LTA4H: variants seen among roughly 807,000 people sequenced by gnomAD.
LTA4H encodes the protein leukotriene A4 hydrolase.
In LTA4H, 59 loss-of-function variants were observed where a neutral mutation model predicts 89.8. That is an observed-to-expected ratio of 0.66 (90% confidence interval 0.53 to 0.82). LTA4H has a LOEUF of 0.82. Ranked by LOEUF, LTA4H falls within the 40% of genes least tolerant of loss-of-function variation. LTA4H has a pLI of 0.00. For synonymous variants in LTA4H, 227 were observed against 253.1 expected (o/e 0.90, Z 0.98); for missense variants, 617 against 727.0 (o/e 0.85, Z 1.74).
Position 96,027,532 on chromosome 12 carries a change from T to C in LTA4H, c.323A>G (p.Glu108Gly). The C allele has an allele frequency of 6.3e-7, 1 of 1,598,298 alleles. No individual in the cohort carries two copies. Among genetic ancestry groups the C allele is most frequent in the Non-Finnish European group, 8.6e-7 (1 of 1,166,874 alleles). ...GAGAGCAGAAGATTTTGGAGAGGTC[T>C]CAAAAGAAATTTCTATAACAATTTC... Reference protein sequence around the residue: ...NQEIVIEISFETSPKSSALQW... With the variant: ...NQEIVIEISFGTSPKSSALQW... The change falls in exon 3 of 19, where the codon GAG becomes GGG. Residue 108 changes from glutamate to glycine, a missense_variant. Glu to Gly is a moderately conservative substitution (Grantham distance 98). Coordinates refer to ENST00000228740, the MANE Select transcript of LTA4H (RefSeq NM_000895.3).
At chr12:96,016,521 G>C (rs545498044) in intron 10 of LTA4H, among the ~76,000 whole-genome samples, 2 of 151,480 alleles carry the variant, frequency 1.3e-5, no homozygotes, top group East Asian at 3.9e-4. Flanking sequence ...TGAGGAGGGA[G>C]GATTGCAACC....
At chr12:96,040,679 T>A (rs1212642367) in intron 1 of LTA4H, among the ~76,000 whole-genome samples, 2 of 152,206 alleles carry the variant, frequency 1.3e-5, no homozygotes. Context: ...GAAGGAGCCA[T>A]GAGCTGGAAA....
intron 1 of LTA4H, among the ~76,000 whole-genome samples, chr12:96,041,888 A>C (rs2367871): frequency 0.039 from 5,971 of 151,566 alleles, 299 homozygotes; most frequent in African/African-American, 0.11. Context: ...TGATCCGCCC[A>C]CCTCAGCCTC....
chr12:96,014,723 A>G, intron 12 of LTA4H, 132 bp downstream of exon 12: 1 of 819,978 alleles, frequency 1.2e-6, no homozygotes, highest in South Asian at 2.0e-5. Flanking sequence ...AAAACAATAC[A>G]GATTTCTTCA....
In LTA4H at chr12:96,015,038, G is replaced by C. The variant is rs1050521497; in HGVS notation, c.1060-39C>G. The C allele has an allele frequency of 3.1e-6, 5 of 1,590,250 alleles. No individual in the cohort carries two copies. The African/African-American group carries it at 6.8e-5, about 21-fold the overall frequency. On this transcript the variant is annotated intron_variant, in intron 11 of 18. Coordinates refer to ENST00000228740, the MANE Select transcript of LTA4H (RefSeq NM_000895.3). ...AATAACATGGAGAAACATATAGAAAGACTGCTATCACCACGCAAATAAGCT... is the reference window on the plus strand; with the variant it reads ...AATAACATGGAGAAACATATAGAAACACTGCTATCACCACGCAAATAAGCT...
intron 14 of LTA4H, 95 bp from the exon 15 acceptor site, chr12:96,009,243 T>G: frequency 1.2e-6 from 1 of 802,298 alleles, no homozygotes; most frequent in South Asian, 1.6e-5. Flanking sequence ...TCAAAGTCCC[T>G]TTTAAATAAG....
chr12:96,021,663 GAAAACACACACAC>G (rs2136900765), intron 5 of LTA4H, among the ~76,000 whole-genome samples: 1 of 130,578 alleles, frequency 7.7e-6, no homozygotes, highest in East Asian at 2.2e-4. Context: ...GGTCAATTAA[GAAAACACACACAC>G]ACACACACAC....
upstream of LTA4H, among the ~76,000 whole-genome samples, chr12:96,039,261 A>G (rs1950671063): frequency 6.6e-6 from 1 of 152,198 alleles, no homozygotes; most frequent in African/African-American, 2.4e-5. Context: ...GGGTAATATC[A>G]GGGTTTAGTT....
At chr12:96,030,506 A>G (rs1193207114) in intron 1 of LTA4H, among the ~76,000 whole-genome samples, 1 of 152,190 alleles carries the variant, frequency 6.6e-6, no homozygotes, top group South Asian at 2.1e-4. Flanking sequence ...CCTGAATCAG[A>G]TTTCTCCCCA....
intron 14 of LTA4H, chr12:96,012,711 T>C (rs76509567): frequency 6.5e-6 from 1 of 153,964 alleles, no homozygotes; most frequent in East Asian, 1.9e-4. Context: ...ACCCTGTTTC[T>C]AAAAAAAAAG....
chr12:96,013,454 T>C (rs556558164), intron 13 of LTA4H, among the ~76,000 whole-genome samples, 196 bp from the exon 14 acceptor site: 1 of 152,368 alleles, frequency 6.6e-6, no homozygotes. Context: ...ATGCGATGTT[T>C]TGATATATGT....
chr12:96,025,863 C>A (rs2136908655), intron 3 of LTA4H, among the ~76,000 whole-genome samples: 1 of 151,756 alleles, frequency 6.6e-6, no homozygotes, highest in South Asian at 2.1e-4. Flanking sequence ...CAATCTTATA[C>A]CCGGTCTGTT....
At chr12:96,008,756 T>C (rs2110762) in intron 15 of LTA4H, among the ~76,000 whole-genome samples, 74,311 of 151,674 alleles carry the variant, frequency 0.49, 19,896 homozygotes, top group African/African-American at 0.73. Flanking sequence ...CCTGTTTGTA[T>C]AAAAAGTTTT....
intron 1 of LTA4H, among the ~76,000 whole-genome samples, chr12:96,032,572 T>G (rs910517819): frequency 6.6e-6 from 1 of 152,220 alleles, no homozygotes; most frequent in Non-Finnish European, 1.5e-5. Context: ...ACAAGTTAAC[T>G]TTAAATAAAT....
chr12:96,002,986 T>C lies in LTA4H; in HGVS notation c.1692A>G (p.Arg564=), dbSNP rs1950131751. 1 of 1,603,418 alleles carries C rather than the reference T, an allele frequency of 6.2e-7. No homozygotes were observed. Among genetic ancestry groups the C allele is most frequent in the Non-Finnish European group, 8.5e-7 (1 of 1,174,456 alleles). The change falls in exon 18 of 19, where the codon AGA becomes AGG. Residue 564 remains arginine, a synonymous_variant. Coordinates refer to ENST00000228740, the MANE Select transcript of LTA4H (RefSeq NM_000895.3). The part of the protein sequence containing the change: ...LALKMATEQG[R]MKFTRPLFKD... ...TGAATAAGGGCCGGGTAAACTTCAT[T>C]CTTCCTTGTTCAGTTGCCATCTTTA...
rs1950396468 is a variant in LTA4H, at chr12:96,017,577, C to T, written c.856G>A (p.Gly286Ser). 1 of 1,609,722 alleles carries T rather than the reference C, an allele frequency of 6.2e-7. No individual in the cohort carries two copies. The highest frequency in any genetic ancestry group is 8.5e-7 in the Non-Finnish European group (1 of 1,177,252). The change falls in exon 9 of 19, where the codon GGC (glycine) becomes AGC (serine). Residue 286 changes from glycine to serine, a missense_variant. This residue lies in a region of LTA4H where 172 missense variants were observed against 244.5 expected (regional missense o/e 0.70). Coordinates refer to ENST00000228740, the MANE Select transcript of LTA4H (RefSeq NM_000895.3). ...CTTACATTGGAGAGTGACTTGTCGCCTGCCTACAAAAAAAGAAAATTACCT... is the reference window on the plus strand; with the variant it reads ...CTTACATTGGAGAGTGACTTGTCGCTTGCCTACAAAAAAAGAAAATTACCT... Reference protein sequence around the residue: ...LTFVTPTLLAGDKSLSNVIAH... With the variant: ...LTFVTPTLLASDKSLSNVIAH...
In LTA4H at chr12:96,021,156, C is replaced by A. The variant is rs774301824; in HGVS notation, c.586-19G>T. On this transcript the variant is annotated intron_variant, in intron 5 of 18. Transcript: ENST00000228740. Reference sequence around the variant, plus strand: ...TTGGAACCTAAAGAGGGCAAACAAACGCACACCACGTGCTTGCATTAGTGT... The same window carrying A: ...TTGGAACCTAAAGAGGGCAAACAAAAGCACACCACGTGCTTGCATTAGTGT... 6.4e-7 allele frequency: 1 copy of A among 1,574,148 alleles called. No individual in the cohort carries two copies. The highest frequency in any genetic ancestry group is 8.6e-7 in the Non-Finnish European group (1 of 1,164,804).
rs771195682 is a variant in LTA4H, at chr12:96,029,152, CT to C, written c.192del (p.Val65Ter). 4 of 1,573,780 alleles carry C rather than the reference CT, an allele frequency of 2.5e-6. No homozygotes were observed. Among genetic ancestry groups the C allele is most frequent in the Non-Finnish European group, 2.6e-6 (3 of 1,151,156 alleles). ...TTGACTTCTTGTCCATTGATCACTA[CT>C]TTTTCTATTGTAAGGTCCTTTGTAT... is the stretch of plus-strand genomic sequence containing the variant. ...VLDTKDLTIE[K>X]VVINGQEVKY... On this transcript the variant is annotated frameshift_variant, in exon 2 of 19. Coordinates refer to ENST00000228740, the MANE Select transcript of LTA4H (RefSeq NM_000895.3). LOFTEE classifies it high-confidence loss of function.
upstream of LTA4H, among the ~76,000 whole-genome samples, chr12:96,036,119 C>T (rs1051712052): frequency 6.6e-6 from 1 of 152,136 alleles, no homozygotes; most frequent in Non-Finnish European, 1.5e-5. Context: ...TTGTTTTTAG[C>T]TGTAAGTAAT....
Sources: gnomAD v4.1 joint callset for allele counts (sites outside exome capture counted in the v4.1 genomes callset) on GRCh38, gnomAD v4.1.1 for gene constraint, gnomAD v4.1.1 regional missense constraint, MANE v1.5 for transcripts, NCBI Gene and HGNC (gene_info 2026-07-23, HGNC 2026-07-21) for gene names.